The following ESRRG variants were observed in gnomAD, a reference collection of about 807,000 sequenced individuals.
ESRRG encodes estrogen-related receptor gamma.
Under a neutral mutation model 44.0 loss-of-function variants are expected in ESRRG, and 13 were observed. That is an observed-to-expected ratio of 0.30 (90% CI 0.19 to 0.47). The LOEUF (loss-of-function observed/expected upper bound fraction) is 0.47, where lower values mean the gene tolerates loss of function less well. Among genes scored for constraint, ESRRG ranks in the 20% least tolerant of loss-of-function variants. The pLI, the probability that ESRRG is intolerant of heterozygous loss-of-function variation, is 1.00. For missense variants in ESRRG, 395 were observed against 580.6 expected, an observed-to-expected ratio of 0.68 and a Z score of 3.29; for synonymous variants, 215 against 214.6, an observed-to-expected ratio of 1.00 and a Z score of -0.02.
intron 1 of ESRRG, among the ~76,000 whole-genome samples, chr1:217,132,919 G>A (rs976530440): frequency 4.6e-5 from 7 of 152,152 alleles, no homozygotes; most frequent in Non-Finnish European, 1.0e-4. Flanking sequence ...GGGCCTCTCC[G>A]TTCTCTGTCA....
intron 2 of ESRRG, chr1:216,863,627 C>T (rs1201962801): frequency 6.6e-6 from 1 of 152,162 alleles, no homozygotes; most frequent in African/African-American, 2.4e-5. Flanking sequence ...TATTCTTCTC[C>T]TATACCCTTT....
chr1:217,043,696 A>T (rs1364606645), intron 1 of ESRRG, among the ~76,000 whole-genome samples: 1 of 152,156 alleles, frequency 6.6e-6, no homozygotes, highest in East Asian at 1.9e-4. Context: ...AACATATATA[A>T]ACAACAATTT....
Position 216,504,224 on chromosome 1 carries a change from A to G in ESRRG, c.*2715T>C, listed in dbSNP as rs2040833470. Reference sequence around the variant, plus strand: ...TATATATTTTATTTATATATAGTGTAGTTGAATAGTAGCAACTTAAACCCT... The same window carrying G: ...TATATATTTTATTTATATATAGTGTGGTTGAATAGTAGCAACTTAAACCCT... On this transcript the variant is annotated 3_prime_UTR_variant, in exon 7 of 7. Coordinates refer to ENST00000408911, the MANE Select transcript of ESRRG (RefSeq NM_001438.4). 1 of 152,134 alleles carries G rather than the reference A, an allele frequency of 6.6e-6. No individual in the cohort carries two copies. Among genetic ancestry groups the G allele is most frequent in the Non-Finnish European group, 1.5e-5 (1 of 67,996 alleles). The allele number at this position is 152,134 out of a possible 1,614,324, so 9.4% of individuals were successfully genotyped here. A position where few individuals can be genotyped will look rare whatever the true frequency, so the allele number is the denominator to read the frequency against.
intron 1 of ESRRG, among the ~76,000 whole-genome samples, chr1:216,992,858 T>C (rs2075912491): frequency 6.6e-6 from 1 of 152,178 alleles, no homozygotes; most frequent in Non-Finnish European, 1.5e-5. Context: ...GCCAGATGCC[T>C]CATTATGTCC....
chr1:216,912,218 G>A (rs1310658173), intron 2 of ESRRG, among the ~76,000 whole-genome samples: 207 of 20,442 alleles, frequency 0.01, 18 homozygotes, highest in East Asian at 0.075. Flanking sequence ...GAGGAGAGGA[G>A]AGGAGAGGAG....
At chr1:216,734,401 T>C (rs572329323) in intron 2 of ESRRG, among the ~76,000 whole-genome samples, 2 of 152,282 alleles carry the variant, frequency 1.3e-5, no homozygotes, top group East Asian at 3.9e-4. Context: ...CTGTCAGGAA[T>C]GGCTTGGTGC....
intron 1 of ESRRG, among the ~76,000 whole-genome samples, chr1:216,984,495 G>C (rs909917054): frequency 1.3e-5 from 2 of 152,134 alleles, no homozygotes; most frequent in African/African-American, 4.8e-5. Context: ...ATCTGTTTTG[G>C]GGACGACACC....
chr1:216,804,812 G>A (rs538424194), intron 2 of ESRRG: 2 of 151,994 alleles, frequency 1.3e-5, no homozygotes, highest in Non-Finnish European at 1.5e-5. Flanking sequence ...TCATATTACA[G>A]AAGCAAATCT....
At chr1:216,789,017 C>G (rs1200468932) in intron 2 of ESRRG, among the ~76,000 whole-genome samples, 1 of 152,110 alleles carries the variant, frequency 6.6e-6, no homozygotes, top group Non-Finnish European at 1.5e-5. Flanking sequence ...TGAGTGGTTT[C>G]TTGAGATGGA....
At chr1:217,074,451 C>CAAAA (rs140445948) in intron 1 of ESRRG, among the ~76,000 whole-genome samples, 5 of 144,154 alleles carry the variant, frequency 3.5e-5, no homozygotes, top group Admixed American at 6.9e-5. Flanking sequence ...TCCACCCCCC[C>CAAAA]CAAAAAAAAA....
intron 3 of ESRRG, among the ~76,000 whole-genome samples, chr1:216,606,255 T>G (rs1390036899): frequency 6.6e-6 from 1 of 152,160 alleles, no homozygotes; most frequent in African/African-American, 2.4e-5. Context: ...CTGGGGTGAC[T>G]GATTGGAGCT....
At chr1:217,053,788 C>T (rs1007978883) in intron 1 of ESRRG, among the ~76,000 whole-genome samples, 1 of 152,028 alleles carries the variant, frequency 6.6e-6, no homozygotes, top group Non-Finnish European at 1.5e-5. Context: ...GGCTGGCTAT[C>T]GTCATGGTTA....
chr1:216,625,920 T>A (rs376957527), intron 3 of ESRRG, among the ~76,000 whole-genome samples: 3 of 152,308 alleles, frequency 2.0e-5, no homozygotes, highest in African/African-American at 7.2e-5. Context: ...TCTCTATCTT[T>A]GTCTCCGTAT....
At chr1:216,657,464 C>G (rs1171881913) in intron 2 of ESRRG, among the ~76,000 whole-genome samples, 2 of 152,068 alleles carry the variant, frequency 1.3e-5, no homozygotes, top group Non-Finnish European at 2.9e-5. Flanking sequence ...TATATTATAC[C>G]TCATTTTCAC....
intron 1 of ESRRG, among the ~76,000 whole-genome samples, chr1:216,715,638 T>C (rs2084694502): frequency 1.3e-5 from 2 of 152,130 alleles, no homozygotes; most frequent in South Asian, 4.1e-4. Context: ...TATAATTTTT[T>C]ATATGACCTG....
intron 2 of ESRRG, among the ~76,000 whole-genome samples, chr1:216,914,535 T>G (rs115065580): frequency 5.3e-5 from 8 of 152,054 alleles, no homozygotes; most frequent in African/African-American, 1.7e-4. Flanking sequence ...CATCTCAGTA[T>G]GAAAAAAAAG....
intron 1 of ESRRG, among the ~76,000 whole-genome samples, chr1:216,977,094 T>C (rs1002210805): frequency 6.6e-5 from 10 of 152,124 alleles, no homozygotes; most frequent in African/African-American, 2.4e-4. Context: ...GGTGTTTCTT[T>C]CATTGTTTGG....
intron 2 of ESRRG, among the ~76,000 whole-genome samples, chr1:216,810,826 T>TAA (rs2094947686): frequency 6.7e-6 from 1 of 149,362 alleles, no homozygotes; most frequent in Admixed American, 6.7e-5. Flanking sequence ...TACATATATA[T>TAA]AACTCTATGA....
intron 1 of ESRRG, among the ~76,000 whole-genome samples, chr1:216,719,353 T>C (rs1188853392): frequency 1.3e-5 from 2 of 151,978 alleles, no homozygotes; most frequent in East Asian, 1.9e-4. Context: ...AGCACAAGTA[T>C]TTTTCTGCTG....
Sources: allele counts gnomAD v4.1 joint callset (sites outside exome capture counted in the v4.1 genomes callset), GRCh38; gene constraint gnomAD v4.1.1; transcripts MANE v1.5; gene names NCBI Gene and HGNC (gene_info 2026-07-23, HGNC 2026-07-21).